Variants in ZZEF1 observed in about 807,000 individuals in gnomAD.
ZZEF1 encodes zinc finger ZZ-type and EF-hand domain containing 1.
In ZZEF1, 157 loss-of-function variants were observed where a neutral mutation model predicts 342.8. That is an observed-to-expected ratio of 0.46 (90% CI 0.40 to 0.52). ZZEF1 has a LOEUF of 0.52. Ranked by LOEUF, ZZEF1 falls within the 20% of genes least tolerant of loss-of-function variation. The pLI is 0.00. For synonymous variants in ZZEF1, 1,505 were observed against 1,429.1 expected (o/e 1.05, Z -1.20); for missense variants, 3,480 against 3,725.6 (o/e 0.93, Z 1.72).
chr17:4,079,523 A>G (rs566180212), intron 18 of ZZEF1, among the ~76,000 whole-genome samples: 18 of 152,374 alleles, frequency 1.2e-4, no homozygotes, highest in Admixed American at 9.1e-4. Flanking sequence ...GATGGGCAGA[A>G]GAGTCTGGAA....
Position 4,098,281 on chromosome 17 carries a change from G to A in ZZEF1, c.1673-1581C>T, listed in dbSNP as rs138948748. Among the ~76,000 whole-genome samples the A allele has an allele frequency of 5.6e-3, 847 of 150,674 alleles. 9 individuals carry two copies. The highest frequency in any genetic ancestry group is 0.02 in the African/African-American group (816 of 41,086). On this transcript the variant is annotated intron_variant, in intron 9 of 54. Coordinates refer to ENST00000381638, the MANE Select transcript of ZZEF1 (RefSeq NM_015113.4). Reference sequence around the variant, plus strand: ...AAAAAAATCAGCTGGGCACGGTGGTGCACACCTGCAATCCTAGCTACTTGG... The same window carrying A: ...AAAAAAATCAGCTGGGCACGGTGGTACACACCTGCAATCCTAGCTACTTGG...
chr17:4,123,292 T>TG lies in ZZEF1; in HGVS notation c.499+614_499+615insC, dbSNP rs1567861793. On this transcript the variant is annotated intron_variant, in intron 2 of 54. Transcript: ENST00000381638. Reference sequence around the variant, plus strand: ...CCATATATATATATATATATATATATATATATATATATATATATCAGAAAA... The same window carrying TG: ...CCATATATATATATATATATATATATGATATATATATATATATATCAGAAAA... Among the ~76,000 whole-genome samples, 293 of 98,032 alleles carry TG rather than the reference T, an allele frequency of 3.0e-3. 5 individuals are homozygous for TG. Among genetic ancestry groups the TG allele is most frequent in the African/African-American group, 0.01 (278 of 27,242 alleles). The allele number at this position is 98,032 out of a possible 152,430, so 64.3% of individuals were successfully genotyped here.
chr17:4,011,608 T>C (rs2055960262), intron 52 of ZZEF1, among the ~76,000 whole-genome samples: 1 of 151,900 alleles, frequency 6.6e-6, no homozygotes, highest in Admixed American at 6.6e-5. Context: ...TCCAACTCAA[T>C]ATCCTTTGGA....
At position 4,070,944 on chromosome 17, in the gene ZZEF1, C is replaced by G. The variant is rs2145271616; in HGVS notation, c.3835-20G>C. 1 of 1,605,826 alleles carries G rather than the reference C, an allele frequency of 6.2e-7. No homozygotes were observed. Among genetic ancestry groups the G allele is most frequent in the Admixed American group, 1.7e-5 (1 of 58,078 alleles). ...CTTAACCTGGAAACAAAAAATAAAC[C>G]CATCACATTTAACACATTCATTCAA... On this transcript the variant is annotated intron_variant, in intron 25 of 54. Transcript: ENST00000381638.
At chr17:4,095,773 A>C in intron 11 of ZZEF1, 58 bp downstream of exon 11, 2 of 1,529,262 alleles carry the variant, frequency 1.3e-6, no homozygotes, top group South Asian at 1.3e-5. Context: ...ATTCTTATTA[A>C]CTACAAAGAT....
At chr17:4,111,638 G>A (rs190491192) in intron 5 of ZZEF1, among the ~76,000 whole-genome samples, 3 of 129,194 alleles carry the variant, frequency 2.3e-5, no homozygotes, top group South Asian at 2.4e-4. Context: ...CAGCCCAGGC[G>A]ACAATGCGAG....
chr17:4,087,415 A>C lies in ZZEF1; in HGVS notation c.2342+19T>G, dbSNP rs531004650. The C allele has an allele frequency of 1.3e-6, 2 of 1,590,604 alleles. No individual in the cohort carries two copies. Among genetic ancestry groups the C allele is most frequent in the African/African-American group, 2.7e-5 (2 of 74,002 alleles). On this transcript the variant is annotated intron_variant, in intron 14 of 54. Coordinates refer to ENST00000381638, the MANE Select transcript of ZZEF1 (RefSeq NM_015113.4). ...TTTCAGTTTATGTGCTTATCACCTT[A>C]TAACAAATTCTGACCTACTTTTGCT...
intron 3 of ZZEF1, among the ~76,000 whole-genome samples, chr17:4,116,299 C>A (rs966992829): frequency 6.6e-6 from 1 of 152,152 alleles, no homozygotes; most frequent in East Asian, 1.9e-4. Flanking sequence ...GCAACAAGAA[C>A]GAAACTCAGT....
chr17:4,044,346 C>T lies in ZZEF1; in HGVS notation c.6044G>A (p.Arg2015Lys). The change falls in exon 38 of 55, where the codon AGA becomes AAA. Residue 2015 changes from arginine (R) to lysine (K), a missense_variant. By Grantham distance (26) the Arg-to-Lys change is conservative (BLOSUM62 2). Around this residue, in one of 5 missense-constraint regions of ZZEF1, gnomAD observed 1,269 missense variants for 1,342.4 expected, o/e 0.95. Transcript: ENST00000381638. ...NGKRAVHEEI[R>K]PVDFKQRNKA... Reference sequence around the variant, plus strand: ...ATTTCTCTGCTTGAAATCTACAGGTCTGATTTCCTCATGAACAGCTCTCTT... The same window carrying T: ...ATTTCTCTGCTTGAAATCTACAGGTTTGATTTCCTCATGAACAGCTCTCTT... 6.2e-7 allele frequency: 1 copy of T among 1,613,680 alleles called. No homozygotes were observed. The highest frequency in any genetic ancestry group is 8.5e-7 in the Non-Finnish European group (1 of 1,179,846).
chr17:4,085,732 T>G lies in ZZEF1; in HGVS notation c.2584A>C (p.Asn862His). 1 of 1,614,114 alleles carries G rather than the reference T, an allele frequency of 6.2e-7. No individual in the cohort carries two copies. The highest frequency in any genetic ancestry group is 8.5e-7 in the Non-Finnish European group (1 of 1,179,976). ...LKQEVRNTLL[N>H]GAAIFFPNRQ... ...TTAGGAAAGAAGATGGCAGCCCCAT[T>G]GAGAAGGGTATTCCTGACTTCTTGT... The change falls in exon 16 of 55, where the codon AAT becomes CAT. Residue 862 changes from asparagine to histidine, a missense_variant. Asn to His is a moderately conservative substitution (Grantham distance 68). Transcript: ENST00000381638.
At chr17:4,092,759 G>T (rs895668019) in intron 11 of ZZEF1, among the ~76,000 whole-genome samples, 1 of 152,134 alleles carries the variant, frequency 6.6e-6, no homozygotes, top group South Asian at 2.1e-4. Flanking sequence ...TACTCTTTGG[G>T]AGTTGTCAAG....
Position 4,050,976 on chromosome 17 carries a change from G to GCCTCCT in ZZEF1, c.5667_5668insAGGAGG (p.Arg1889_Leu1890insArgArg), listed in dbSNP as rs756676196. On this transcript the variant is annotated inframe_insertion, in exon 36 of 55. Coordinates refer to ENST00000381638, the MANE Select transcript of ZZEF1 (RefSeq NM_015113.4). ...TAGTTATGGATATATGGCTGGATGA[G>GCCTCCT]CCTCTGCCGGTCACTGATCCGAATG... 1 of 1,614,240 alleles carries GCCTCCT rather than the reference G, an allele frequency of 6.2e-7. No homozygotes were observed. The highest frequency in any genetic ancestry group is 8.5e-7 in the Non-Finnish European group (1 of 1,180,038).
At chr17:4,101,850 G>C (rs34213341) in intron 9 of ZZEF1, among the ~76,000 whole-genome samples, 24,368 of 151,958 alleles carry the variant, frequency 0.16, 2,010 homozygotes, top group East Asian at 0.18. Flanking sequence ...GGCTTGTCTT[G>C]AACTCCTGGC....
chr17:4,067,366 G>A lies in ZZEF1; in HGVS notation c.4076-124C>T, dbSNP rs1192185635. 23 of 650,488 alleles carry A rather than the reference G, an allele frequency of 3.5e-5. 1 individual carries two copies. The South Asian group carries it at 4.2e-4, about 12-fold the overall frequency. 40.3% of individuals were successfully genotyped at this position (650,488 alleles called of 1,614,324 possible). On this transcript the variant is annotated intron_variant, in intron 26 of 54. Coordinates refer to ENST00000381638, the MANE Select transcript of ZZEF1 (RefSeq NM_015113.4). Reference sequence around the variant, plus strand: ...AGTCCTCCTGACAATCACACATTGAGGATGGTAAGAGAGACTCAGGGAAAA... The same window carrying A: ...AGTCCTCCTGACAATCACACATTGAAGATGGTAAGAGAGACTCAGGGAAAA...
intron 17 of ZZEF1, among the ~76,000 whole-genome samples, chr17:4,082,018 C>T (rs1028459078): frequency 6.6e-6 from 1 of 152,198 alleles, no homozygotes; most frequent in Non-Finnish European, 1.5e-5. Flanking sequence ...CCTGTAGGCC[C>T]ATTTAGCTTC....
At chr17:4,033,356 T>C (rs1257259884) in intron 40 of ZZEF1, 2 of 181,128 alleles carry the variant, frequency 1.1e-5, no homozygotes, top group African/African-American at 4.7e-5. Flanking sequence ...TTTATTATTA[T>C]TATTTTTTTG....
chr17:4,042,673 G>C, intron 38 of ZZEF1, 105 bp from the exon 39 acceptor site: 1 of 1,210,614 alleles, frequency 8.3e-7, no homozygotes, highest in Non-Finnish European at 1.1e-6. Context: ...ATAAAGCTGG[G>C]ATTTTATTCA....
intron 18 of ZZEF1, among the ~76,000 whole-genome samples, chr17:4,079,612 G>A (rs887754972): frequency 3.3e-5 from 5 of 152,180 alleles, no homozygotes; most frequent in African/African-American, 1.2e-4. Flanking sequence ...TAAAAACAAA[G>A]TTGAGGCTTA....
chr17:4,023,545 C>T (rs1360555656), intron 43 of ZZEF1, among the ~76,000 whole-genome samples: 2 of 151,348 alleles, frequency 1.3e-5, no homozygotes, highest in Non-Finnish European at 2.9e-5. Flanking sequence ...GCAGGCTGGG[C>T]ACCATGGCTC....
Sources: gnomAD v4.1 joint callset for allele counts (sites outside exome capture counted in the v4.1 genomes callset) on GRCh38, gnomAD v4.1.1 for gene constraint, gnomAD v4.1.1 regional missense constraint, MANE v1.5 for transcripts, NCBI Gene and HGNC (gene_info 2026-07-23, HGNC 2026-07-21) for gene names.